Variants in RPS25 observed in about 807,000 individuals in gnomAD.
RPS25 encodes the protein small ribosomal subunit protein eS25.
A neutral mutation model predicts 14.4 loss-of-function variants in RPS25; 1 was observed. That is an observed-to-expected ratio of 0.07 (90% CI 0.02 to 0.33). The LOEUF is 0.33. Ranked by LOEUF, RPS25 falls within the 10% of genes least tolerant of loss-of-function variation. RPS25 has a pLI of 1.00. For synonymous variants in RPS25, 63 were observed against 53.8 expected, an observed-to-expected ratio of 1.17 and a Z score of -0.75; for missense variants, 65 against 144.6, an observed-to-expected ratio of 0.45 and a Z score of 2.82.
intron 3 of RPS25, 92 bp from the exon 4 acceptor site, chr11:119,016,031 TAA>T: frequency 1.3e-6 from 1 of 766,492 alleles, no homozygotes; most frequent in Non-Finnish European, 2.3e-6. Flanking sequence ...CTCATGCTTA[TAA>T]TCCCACTGCT....
chr11:119,016,422 G>A (rs1166140518), intron 3 of RPS25, among the ~76,000 whole-genome samples: 1 of 151,878 alleles, frequency 6.6e-6, no homozygotes, highest in African/African-American at 2.4e-5. Flanking sequence ...AAAACAAAAA[G>A]ACAGAGTTCT....
chr11:119,017,219 G>T (rs1000730956), intron 3 of RPS25, 143 bp downstream of exon 3: 6 of 597,494 alleles, frequency 1.0e-5, no homozygotes, highest in African/African-American at 1.9e-5. Context: ...GGAGTAAGAC[G>T]TCAGAATTAC....
chr11:119,016,373 G>A (rs1255619981), intron 3 of RPS25, among the ~76,000 whole-genome samples: 1 of 151,984 alleles, frequency 6.6e-6, no homozygotes, highest in African/African-American at 2.4e-5. Flanking sequence ...GACCAGCCTG[G>A]GCAACATGGC....
In RPS25 at chr11:119,017,344, G is replaced by A. The variant is rs782724309; in HGVS notation, c.283+18C>T. ...CAATTTAACCTACAAAAACACACATGTAGGATACACCCCTCACCTTTACTA... is the reference window on the plus strand; with the variant it reads ...CAATTTAACCTACAAAAACACACATATAGGATACACCCCTCACCTTTACTA... On this transcript the variant is annotated intron_variant, in intron 3 of 4. Transcript: ENST00000527673. 2 of 1,587,996 alleles carry A rather than the reference G, an allele frequency of 1.3e-6. No homozygotes were observed. The highest frequency in any genetic ancestry group is 1.1e-5 in the South Asian group (1 of 88,270).
At chr11:119,016,503 G>A (rs1457844548) in intron 3 of RPS25, among the ~76,000 whole-genome samples, 1 of 152,126 alleles carries the variant, frequency 6.6e-6, no homozygotes. Flanking sequence ...CTCCCAAGTA[G>A]CTAGAAATAC....
At chr11:119,016,224 T>G (rs1457688695) in intron 3 of RPS25, among the ~76,000 whole-genome samples, 1 of 152,094 alleles carries the variant, frequency 6.6e-6, no homozygotes, top group Non-Finnish European at 1.5e-5. Flanking sequence ...AATTGGTGGT[T>G]GCATTGAGCC....
chr11:119,016,496 C>T (rs1943159693), intron 3 of RPS25, among the ~76,000 whole-genome samples: 1 of 152,118 alleles, frequency 6.6e-6, no homozygotes, highest in Non-Finnish European at 1.5e-5. Flanking sequence ...CTTTGGCCTC[C>T]CAAGTAGCTA....
chr11:119,017,732 G>T lies in RPS25; in HGVS notation c.100-187C>A, dbSNP rs541200169. ...TTCAAACAGGGGCCGAGCCCCACTA[G>T]ATCAGTTAAAAATAACACAGCAGGC... On this transcript the variant is annotated intron_variant, in intron 2 of 4. Transcript: ENST00000527673. 6 of 684,300 alleles carry T rather than the reference G, an allele frequency of 8.8e-6. No individual in the cohort carries two copies. In the East Asian group the frequency reaches 1.1e-4, roughly 12 times the overall value. 42.4% of individuals were successfully genotyped at this position (684,300 alleles called of 1,614,324 possible).
At chr11:119,017,667 AAAAC>A in intron 2 of RPS25, 122 bp from the exon 3 acceptor site, 5 of 918,854 alleles carry the variant, frequency 5.4e-6, no homozygotes, top group East Asian at 2.6e-5. Flanking sequence ...ACACATTACT[AAAAC>A]AAAAACAAAA....
chr11:119,015,783 A>G (rs559515271), intron 4 of RPS25, 25 bp from the exon 5 acceptor site: 5 of 1,345,776 alleles, frequency 3.7e-6, no homozygotes, highest in Non-Finnish European at 5.3e-6. Context: ...TAAAAGAATC[A>G]GAACCATAAA....
chr11:119,015,988 GAA>G (rs1345373230), intron 3 of RPS25, 49 bp from the exon 4 acceptor site: 1 of 1,203,042 alleles, frequency 8.3e-7, no homozygotes, highest in African/African-American at 1.5e-5. Flanking sequence ...TGCTACAATA[GAA>G]ACTAGTAAGG....
At position 119,018,315 on chromosome 11, in the gene RPS25, G is replaced by T. The variant is rs190711281; in HGVS notation, c.-31C>A. The T allele has an allele frequency of 2.9e-3, 4,653 of 1,614,058 alleles. 15 individuals are homozygous for T. Among genetic ancestry groups the T allele is most frequent in the Non-Finnish European group, 3.0e-3 (3,491 of 1,179,968 alleles). On this transcript the variant is annotated 5_prime_UTR_variant, in exon 1 of 5. Transcript: ENST00000527673. ...AGCTCGGAGAATAGCAGCAGACACCGCAGCCTCGTCAAGATGTCGGACAAA... is the reference window on the plus strand; with the variant it reads ...AGCTCGGAGAATAGCAGCAGACACCTCAGCCTCGTCAAGATGTCGGACAAA...
At chr11:119,016,005 T>C (rs1943146897) in intron 3 of RPS25, 66 bp from the exon 4 acceptor site, 1 of 1,035,952 alleles carries the variant, frequency 9.7e-7, no homozygotes, top group African/African-American at 1.6e-5. Context: ...GTAAGGTTTT[T>C]GGCTGGGCGC....
chr11:119,015,955 A>G lies in RPS25; in HGVS notation c.284-16T>C. ...TTGATAAGTCCTAGGGGGAGAGAAT[A>G]GCACGATGAGATGCTTAACAGATGC... On this transcript the variant is annotated splice_polypyrimidine_tract_variant and intron_variant, in intron 3 of 4. Transcript: ENST00000527673. 1.4e-6 allele frequency: 2 copies of G among 1,464,434 alleles called. No individual in the cohort carries two copies. The highest frequency in any genetic ancestry group is 1.9e-6 in the Non-Finnish European group (2 of 1,044,300). 90.7% of individuals were successfully genotyped at this position (1,464,434 alleles called of 1,614,324 possible).
chr11:119,018,158 C>G lies in RPS25; in HGVS notation c.4-105G>C, dbSNP rs11827641. 2.5e-3 allele frequency: 3,967 copies of G among 1,568,734 alleles called. 46 individuals carry two copies. In the African/African-American group the frequency reaches 0.032, roughly 12 times the overall value. On this transcript the variant is annotated intron_variant, in intron 1 of 4. Coordinates refer to ENST00000527673, the MANE Select transcript of RPS25 (RefSeq NM_001028.3). ...AACTCCACCACCAGAGCACATGGGC[C>G]AAGCAATAACCGCGCCCGCCCTGCA...
rs1943196733 is a variant in RPS25 at position 119,017,713 on chromosome 11, C to G, written c.100-168G>C. On this transcript the variant is annotated intron_variant, in intron 2 of 4. Coordinates refer to ENST00000527673, the MANE Select transcript of RPS25 (RefSeq NM_001028.3). ...CACCGACACGTTTTTGGCCTTCAAA[C>G]AGGGGCCGAGCCCCACTAGATCAGT... 5.4e-6 allele frequency: 4 copies of G among 734,994 alleles called. No individual in the cohort carries two copies. In the East Asian group the frequency reaches 1.1e-4, roughly 20 times the overall value. The allele number at this position is 734,994 out of a possible 1,614,324, so 45.5% of individuals were successfully genotyped here. A position where few individuals can be genotyped will look rare whatever the true frequency, so the allele number is the denominator to read the frequency against.
At chr11:119,016,586 G>A (rs141026307) in intron 3 of RPS25, among the ~76,000 whole-genome samples, 1 of 151,296 alleles carries the variant, frequency 6.6e-6, no homozygotes, top group African/African-American at 2.4e-5. Context: ...AGTTTTTAAC[G>A]ATCATCTATC....
intron 3 of RPS25, among the ~76,000 whole-genome samples, chr11:119,016,775 C>A (rs184865015): frequency 6.6e-6 from 1 of 152,036 alleles, no homozygotes; most frequent in Non-Finnish European, 1.5e-5. Context: ...GGATTACAGA[C>A]GTGTGCCCCC....
intron 3 of RPS25, among the ~76,000 whole-genome samples, chr11:119,016,749 GC>G (rs1326960071): frequency 6.6e-6 from 1 of 151,316 alleles, no homozygotes; most frequent in African/African-American, 2.4e-5. Context: ...TCATGCCTCA[GC>G]ATCCTGAGTA....
Sources: allele counts gnomAD v4.1 joint callset (sites outside exome capture counted in the v4.1 genomes callset), GRCh38; gene constraint gnomAD v4.1.1; transcripts MANE v1.5; gene names NCBI Gene and HGNC (gene_info 2026-07-23, HGNC 2026-07-21).